The following UXS1 variants were observed in gnomAD, a reference collection of about 807,000 sequenced individuals.
UXS1 encodes UDP-glucuronic acid decarboxylase 1.
A neutral mutation model predicts 62.6 loss-of-function variants in UXS1; 33 were observed. The observed-to-expected ratio is 0.53, with a 90% CI of 0.40 to 0.70. The LOEUF (loss-of-function observed/expected upper bound fraction) is 0.70. UXS1 is among the 30% of genes least tolerant of loss of function. The pLI is 0.00. For synonymous variants in UXS1, 213 were observed against 206.8 expected, an observed-to-expected ratio of 1.03 and a Z score of -0.26; for missense variants, 434 against 556.3, an observed-to-expected ratio of 0.78 and a Z score of 2.21.
At position 106,186,455 on chromosome 2, in the gene UXS1, T is replaced by TACACACACACACAC. The variant is rs146886217; in HGVS notation, c.94+7692_94+7693insGTGTGTGTGTGTGT. 8.5e-5 allele frequency among the ~76,000 whole-genome samples: 12 copies of TACACACACACACAC among 141,336 alleles called. No individual in the cohort carries two copies. The East Asian group carries it at 1.4e-3, about 17-fold the overall frequency. The allele number at this position is 141,336 out of a possible 152,430, so 92.7% of individuals were successfully genotyped here. ...TGCTCTGGGCTTTTATATATATATA[T>TACACACACACACAC]ATACACACACACACACACACATATA... is the stretch of plus-strand genomic sequence containing the variant. On this transcript the variant is annotated intron_variant, in intron 1 of 14. Coordinates refer to ENST00000283148, the MANE Select transcript of UXS1 (RefSeq NM_001253875.2).
rs556160868 is a variant in UXS1, at chr2:106,178,369, A to G, written c.95-12286T>C. 3.3e-5 allele frequency among the ~76,000 whole-genome samples: 5 copies of G among 152,350 alleles called. No individual in the cohort carries two copies. In the East Asian group the frequency reaches 7.7e-4, roughly 24 times the overall value. On this transcript the variant is annotated intron_variant, in intron 1 of 14. Transcript: ENST00000283148. ...TTGAGCATGCACCCCACATATATGT[A>G]TATGTACCACTATATTATGTTCTTT... is the stretch of plus-strand genomic sequence containing the variant.
intron 1 of UXS1, among the ~76,000 whole-genome samples, chr2:106,192,070 T>C (rs992613798): frequency 1.1e-4 from 17 of 151,962 alleles, no homozygotes; most frequent in African/African-American, 4.1e-4. Flanking sequence ...CTGTGTTTTT[T>C]AAAAAAAACC....
rs528611222 is a variant in UXS1 at position 106,161,355 on chromosome 2, C to G, written c.230+2312G>C. The stretch of plus-strand genomic sequence containing the variant: ...TCCTGGGCTCAAGCCATCAGCCTGC[C>G]GAGGCTTCCCAAAGTGCTGGTATTA... On this transcript the variant is annotated intron_variant, in intron 4 of 14. Transcript: ENST00000283148. 2.0e-5 allele frequency among the ~76,000 whole-genome samples: 3 copies of G among 152,234 alleles called. No homozygotes were observed. In the East Asian group the frequency reaches 5.8e-4, roughly 29 times the overall value.
At position 106,094,049 on chromosome 2, in the gene UXS1, T is replaced by C. The variant is rs766728762; in HGVS notation, c.1255A>G (p.Lys419Glu). ...GTTCAGCTGTGGCGAGTCCGTCCTT[T>C]CTTTATTCTGGCAGGCTTTGGTTTG... ...IPKPKPARIK[K>E]GRTRHS The change falls in exon 15 of 15, where the codon AAA (lysine) becomes GAA (glutamate). Residue 419 changes from lysine to glutamate, a missense_variant. Lys to Glu is a moderately conservative substitution (Grantham distance 56, BLOSUM62 1). Around this residue, in one of 3 missense-constraint regions of UXS1, gnomAD observed 209 missense variants for 233.3 expected, o/e 0.90. Coordinates refer to ENST00000283148, the MANE Select transcript of UXS1 (RefSeq NM_001253875.2). The C allele has an allele frequency of 1.1e-5, 18 of 1,613,044 alleles. No individual in the cohort carries two copies. Among genetic ancestry groups the C allele is most frequent in the South Asian group, 1.1e-4 (10 of 90,920 alleles).
intron 5 of UXS1, among the ~76,000 whole-genome samples, chr2:106,156,993 A>G (rs1193639872): frequency 2.0e-5 from 3 of 152,238 alleles, no homozygotes; most frequent in Admixed American, 6.5e-5. Flanking sequence ...GCTAGTCACA[A>G]AAGGTCAAAT....
chr2:106,168,132 G>A (rs569976339), intron 1 of UXS1, among the ~76,000 whole-genome samples: 1 of 152,178 alleles, frequency 6.6e-6, no homozygotes, highest in Admixed American at 6.5e-5. Flanking sequence ...TTGCACTCCA[G>A]CCTGGGCAAC....
chr2:106,104,923 G>T, intron 10 of UXS1, 86 bp from the exon 11 acceptor site: 1 of 1,545,644 alleles, frequency 6.5e-7, no homozygotes, highest in South Asian at 1.1e-5. Context: ...GACACAGTCC[G>T]ACCTTGAAAC....
At position 106,094,062 on chromosome 2, in the gene UXS1, A is replaced by G; in HGVS notation, c.1242T>C (p.Pro414=). 1 of 1,613,188 alleles carries G rather than the reference A, an allele frequency of 6.2e-7. No individual in the cohort carries two copies. The change falls in exon 15 of 15, where the codon CCT becomes CCC. Residue 414 remains proline (P), a synonymous_variant. Transcript: ENST00000283148. ...GAGTCCGTCCTTTCTTTATTCTGGC[A>G]GGCTTTGGTTTGGGGATGTACTGAT... is the stretch of plus-strand genomic sequence containing the variant. ...ANNQYIPKPK[P]ARIKKGRTRH...
chr2:106,167,640 A>C (rs1683291144), intron 1 of UXS1, among the ~76,000 whole-genome samples: 1 of 152,226 alleles, frequency 6.6e-6, no homozygotes, highest in South Asian at 2.1e-4. Context: ...TGACCAAATA[A>C]ATAAAAGTGG....
intron 10 of UXS1, among the ~76,000 whole-genome samples, chr2:106,109,207 G>A (rs1222961816): frequency 1.3e-5 from 2 of 151,874 alleles, no homozygotes; most frequent in Non-Finnish European, 2.9e-5. Context: ...GCAGTGATCC[G>A]TATTCCTGTC....
intron 5 of UXS1, among the ~76,000 whole-genome samples, chr2:106,155,604 AT>A (rs368522611): frequency 6.6e-6 from 1 of 152,314 alleles, no homozygotes; most frequent in African/African-American, 2.4e-5. Context: ...TTTGTAGCAT[AT>A]GAGCAATAGG....
intron 1 of UXS1, 117 bp downstream of exon 1, chr2:106,194,031 G>A: frequency 1.4e-6 from 1 of 697,142 alleles, no homozygotes; most frequent in Non-Finnish European, 2.0e-6. Flanking sequence ...CCCGCCCGGG[G>A]CGGGGAGCAA....
At chr2:106,156,781 G>C (rs1682466943) in intron 5 of UXS1, among the ~76,000 whole-genome samples, 1 of 152,180 alleles carries the variant, frequency 6.6e-6, no homozygotes, top group African/African-American at 2.4e-5. Context: ...GTTCAGTACA[G>C]CCATAACCAT....
chr2:106,183,416 CACATCCAG>C (rs1684368910), intron 1 of UXS1: 1 of 152,202 alleles, frequency 6.6e-6, no homozygotes, highest in Admixed American at 6.5e-5. Context: ...CCTTTTCTAG[CACATCCAG>C]ACTCCCTCTG....
chr2:106,127,149 G>A (rs945112048), intron 7 of UXS1, among the ~76,000 whole-genome samples: 1 of 152,172 alleles, frequency 6.6e-6, no homozygotes, highest in Admixed American at 6.5e-5. Context: ...ACCTATGATA[G>A]GACATTCTGG....
intron 14 of UXS1, among the ~76,000 whole-genome samples, chr2:106,095,906 C>A (rs1677040750): frequency 6.6e-6 from 1 of 152,216 alleles, no homozygotes; most frequent in Non-Finnish European, 1.5e-5. Flanking sequence ...GGCGGCAGAG[C>A]AGAAGCAGGC....
At chr2:106,103,567 T>C (rs1464024262) in intron 11 of UXS1, among the ~76,000 whole-genome samples, 1 of 152,236 alleles carries the variant, frequency 6.6e-6, no homozygotes, top group Non-Finnish European at 1.5e-5. Context: ...ACATAGTGCC[T>C]ACGTTAAGTG....
intron 9 of UXS1, among the ~76,000 whole-genome samples, chr2:106,118,998 GATTTT>G (rs1679300155): frequency 6.6e-6 from 1 of 152,148 alleles, no homozygotes; most frequent in Non-Finnish European, 1.5e-5. Flanking sequence ...CATCCTCCTT[GATTTT>G]ATTTGTCTCC....
At chr2:106,163,124 A>G (rs1683004565) in intron 4 of UXS1, among the ~76,000 whole-genome samples, 1 of 152,220 alleles carries the variant, frequency 6.6e-6, no homozygotes, top group Admixed American at 6.5e-5. Flanking sequence ...TGAGGGCAAT[A>G]GTGTCCCAAA....
Sources: gnomAD v4.1 joint callset for allele counts (sites outside exome capture counted in the v4.1 genomes callset) on GRCh38, gnomAD v4.1.1 for gene constraint, gnomAD v4.1.1 regional missense constraint, MANE v1.5 for transcripts, NCBI Gene and HGNC (gene_info 2026-07-23, HGNC 2026-07-21) for gene names.